NAA25: variants seen among roughly 807,000 people sequenced by gnomAD.
The protein encoded by NAA25 is N-terminal acetyltransferase B complex subunit NAA25.
Under a neutral mutation model 132.5 loss-of-function variants are expected in NAA25, and 30 were observed. The observed-to-expected ratio is 0.23, with a 90% confidence interval of 0.17 to 0.31. The LOEUF (loss-of-function observed/expected upper bound fraction) is 0.31. NAA25 is among the 10% of genes least tolerant of loss of function. NAA25 has a pLI of 1.00. For missense variants in NAA25, 771 were observed against 1,150.4 expected (o/e 0.67, Z 4.77); for synonymous variants, 359 against 401.9 (o/e 0.89, Z 1.28).
At chr12:112,106,391 T>A (rs78337298) in intron 1 of NAA25, among the ~76,000 whole-genome samples, 4 of 146,038 alleles carry the variant, frequency 2.7e-5, no homozygotes, top group South Asian at 4.3e-4. Context: ...GTTTTTAGTT[T>A]AAAAAAAAAA....
At position 112,043,630 on chromosome 12, in the gene NAA25, T is replaced by A; in HGVS notation, c.2245A>T (p.Ile749Phe). 1 of 1,614,160 alleles carries A rather than the reference T, an allele frequency of 6.2e-7. No homozygotes were observed. The highest frequency in any genetic ancestry group is 8.5e-7 in the Non-Finnish European group (1 of 1,179,988). ...TAAATATGTATTGATGGTACCTGAA[T>A]ATCCTTCTCAATAAATCGCTTTCCT... ...ETGKRFIEKD[I>F]QYPFLGPVPT... The change falls in exon 18 of 24, where the codon ATT becomes TTT. Residue 749 changes from isoleucine (I) to phenylalanine (F), a missense_variant. Ile to Phe is a conservative substitution (Grantham distance 21). This residue lies in a region of NAA25 where 324 missense variants were observed against 400.0 expected (regional missense o/e 0.81). Coordinates refer to ENST00000261745, the MANE Select transcript of NAA25 (RefSeq NM_024953.4).
chr12:112,081,271 T>C (rs2078970317), intron 4 of NAA25, 137 bp from the exon 5 acceptor site: 1 of 705,558 alleles, frequency 1.4e-6, no homozygotes, highest in East Asian at 2.6e-5. Context: ...TCCTAGTGAC[T>C]TGATGGCTTT....
chr12:112,033,188 T>TTG (rs767873016), intron 23 of NAA25, 45 bp downstream of exon 23: 4 of 1,539,508 alleles, frequency 2.6e-6, no homozygotes, highest in Non-Finnish European at 3.5e-6. Context: ...GACAGAGTGT[T>TTG]TGTGTGTGTG....
chr12:112,048,655 T>C (rs2078421964), intron 15 of NAA25, among the ~76,000 whole-genome samples: 1 of 152,246 alleles, frequency 6.6e-6, no homozygotes, highest in Non-Finnish European at 1.5e-5. Flanking sequence ...ATATTACTAA[T>C]TGTAATAACC....
At chr12:112,087,892 C>T in intron 3 of NAA25, 91 bp from the exon 4 acceptor site, 1 of 787,244 alleles carries the variant, frequency 1.3e-6, no homozygotes, top group Non-Finnish European at 2.1e-6. Context: ...ATAGATGTCT[C>T]CTATCATTAT....
chr12:112,108,593 GC>G (rs1274590220), intron 1 of NAA25, 122 bp downstream of exon 1: 4 of 1,080,700 alleles, frequency 3.7e-6, no homozygotes, highest in Admixed American at 4.8e-5. Context: ...GGCCCGCGCG[GC>G]CCGCCCCCCT....
intron 9 of NAA25, among the ~76,000 whole-genome samples, chr12:112,073,584 C>T (rs1391200089): frequency 1.3e-5 from 2 of 152,058 alleles, no homozygotes; most frequent in African/African-American, 2.4e-5. Flanking sequence ...CTACAGGCGC[C>T]CGCCACCACG....
At chr12:112,067,508 A>G (rs1012331391) in intron 11 of NAA25, among the ~76,000 whole-genome samples, 1 of 152,070 alleles carries the variant, frequency 6.6e-6, no homozygotes, top group Non-Finnish European at 1.5e-5. Context: ...CGGGAGTTCG[A>G]GACCAGCCTG....
chr12:112,091,772 G>A (rs2079134600), intron 2 of NAA25, among the ~76,000 whole-genome samples: 1 of 152,008 alleles, frequency 6.6e-6, no homozygotes, highest in African/African-American at 2.4e-5. Context: ...TGAGATGAGA[G>A]GATCATTTGA....
chr12:112,069,649 G>A (rs1478258716), intron 10 of NAA25, among the ~76,000 whole-genome samples: 2 of 149,300 alleles, frequency 1.3e-5, no homozygotes, highest in South Asian at 2.2e-4. Context: ...GGAGAAACTC[G>A]TCTTGACTCA....
At chr12:112,079,560 C>T (rs1195576691) in intron 5 of NAA25, among the ~76,000 whole-genome samples, 1 of 151,488 alleles carries the variant, frequency 6.6e-6, no homozygotes, top group East Asian at 1.9e-4. Context: ...TGCACTCCAG[C>T]TTGGACAACA....
Position 112,043,681 on chromosome 12 carries a change from G to C in NAA25, c.2194C>G (p.Gln732Glu), listed in dbSNP as rs1199669741. 2.5e-6 allele frequency: 4 copies of C among 1,614,014 alleles called. No individual in the cohort carries two copies. In the African/African-American group the frequency reaches 5.3e-5, roughly 22 times the overall value. Residue 732 changes from glutamine to glutamate, a missense_variant, in exon 18 of 24, where the codon CAA becomes GAA. Physicochemically the swap from Gln to Glu is conservative, Grantham distance 29. Coordinates refer to ENST00000261745, the MANE Select transcript of NAA25 (RefSeq NM_024953.4). ...SRIDILRLLL[Q>E]QLEATLETGK... Reference sequence around the variant, plus strand: ...GTCTCCAGGGTTGCCTCCAGCTGTTGAAGGAGCAAACGAAGAATATCAATC... The same window carrying C: ...GTCTCCAGGGTTGCCTCCAGCTGTTCAAGGAGCAAACGAAGAATATCAATC...
At chr12:112,068,761 T>G (rs1217196074) in intron 11 of NAA25, 119 bp downstream of exon 11, 1 of 604,462 alleles carries the variant, frequency 1.7e-6, no homozygotes, top group Non-Finnish European at 2.9e-6. Context: ...ACAGGGCAGT[T>G]ATCATTGTAT....
chr12:112,104,835 C>CA (rs71083201), intron 1 of NAA25, among the ~76,000 whole-genome samples: 55,331 of 138,586 alleles, frequency 0.4, 12,014 homozygotes, highest in Non-Finnish European at 0.51. Flanking sequence ...GACTCCATCT[C>CA]AAAAAAAAAA....
intron 4 of NAA25, 66 bp downstream of exon 4, chr12:112,087,617 A>T: frequency 8.9e-7 from 1 of 1,123,508 alleles, no homozygotes; most frequent in Non-Finnish European, 1.3e-6. Flanking sequence ...CAGTTAAATC[A>T]CAAGAAAGAG....
intron 11 of NAA25, chr12:112,065,666 A>T (rs972412124): frequency 7.9e-5 from 12 of 152,266 alleles, no homozygotes; most frequent in Admixed American, 4.6e-4. Flanking sequence ...CTATCTCAAA[A>T]AAATAAATAA....
At chr12:112,075,563 T>C (rs1188820998) in intron 8 of NAA25, 115 bp downstream of exon 8, 3 of 762,528 alleles carry the variant, frequency 3.9e-6, no homozygotes, top group African/African-American at 1.8e-5. Context: ...AGGACACAAC[T>C]ACTATAAGAA....
rs2136903111 is a variant in NAA25, at chr12:112,078,736, T to C, written c.483A>G (p.Ile161Met). 5 of 1,611,956 alleles carry C rather than the reference T, an allele frequency of 3.1e-6. No individual in the cohort carries two copies. In the South Asian group the frequency reaches 3.3e-5, roughly 11 times the overall value. ...TTGAGAGGTTTTCATCCTGTGCCGA[T>C]ATAGACTGAAAGAAGAAAAATAATG... is the stretch of plus-strand genomic sequence containing the variant. Reference protein sequence around the residue: ...WSVMSLIMQSISAQDENLSKT... With the variant: ...WSVMSLIMQSMSAQDENLSKT... Residue 161 changes from isoleucine to methionine, a missense_variant, in exon 6 of 24, where the codon ATA (isoleucine) becomes ATG (methionine). Physicochemically the swap from Ile to Met is conservative, Grantham distance 10 (BLOSUM62 1). Around this residue, in one of 3 missense-constraint regions of NAA25, gnomAD observed 417 missense variants for 733.8 expected, o/e 0.57. Transcript: ENST00000261745.
Position 112,087,762 on chromosome 12 carries a change from T to G in NAA25, c.323A>C (p.Lys108Thr). Residue 108 changes from lysine (K) to threonine (T), a missense_variant, in exon 4 of 24, where the codon AAA becomes ACA. By Grantham distance (78) the Lys-to-Thr change is moderately conservative. Coordinates refer to ENST00000261745, the MANE Select transcript of NAA25 (RefSeq NM_024953.4). ...GTGATACTCCTCACTATTGGGAACT[T>G]TCTTCACAGCTGCCTCATAAAGTTT... is the stretch of plus-strand genomic sequence containing the variant. ...VTKLYEAAVK[K>T]VPNSEEYHSH... is the part of the protein sequence containing the mutation. The G allele has an allele frequency of 6.2e-7, 1 of 1,614,106 alleles. No individual in the cohort carries two copies. Among genetic ancestry groups the G allele is most frequent in the Non-Finnish European group, 8.5e-7 (1 of 1,179,944 alleles).
Sources: gnomAD v4.1 joint callset for allele counts (sites outside exome capture counted in the v4.1 genomes callset) on GRCh38, gnomAD v4.1.1 for gene constraint, gnomAD v4.1.1 regional missense constraint, MANE v1.5 for transcripts, NCBI Gene and HGNC (gene_info 2026-07-23, HGNC 2026-07-21) for gene names.